OXNAD1: variants seen among roughly 807,000 people sequenced by gnomAD.
OXNAD1 encodes the protein oxidoreductase NAD-binding domain-containing protein 1.
In OXNAD1, 34 loss-of-function variants were observed where a neutral mutation model predicts 32.9. The ratio of observed to expected loss-of-function variants is 1.03; its 90% CI spans 0.79 to 1.38. OXNAD1 has a LOEUF of 1.38. Ranked by LOEUF, OXNAD1 falls within the 40% of genes most tolerant of loss-of-function variation. The pLI, the probability that OXNAD1 is intolerant of heterozygous loss-of-function variation, is 0.00. For missense variants in OXNAD1, 407 were observed against 379.4 expected, an observed-to-expected ratio of 1.07 and a Z score of -0.60; for synonymous variants, 134 against 135.2, an observed-to-expected ratio of 0.99 and a Z score of 0.06.
Position 16,268,659 on chromosome 3 carries a change from T to C in OXNAD1, c.-158-467T>C, listed in dbSNP as rs114484913. Among the ~76,000 whole-genome samples the C allele has an allele frequency of 7.3e-3, 1,109 of 152,228 alleles. 17 individuals carry two copies. Among genetic ancestry groups the C allele is most frequent in the African/African-American group, 0.025 (1,032 of 41,512 alleles). Reference sequence around the variant, plus strand: ...ACTACTTTTAAAATTAACATTTGTTTTCCAGTTCAGTTGAGAAGGGGACCA... The same window carrying C: ...ACTACTTTTAAAATTAACATTTGTTCTCCAGTTCAGTTGAGAAGGGGACCA... On this transcript the variant is annotated intron_variant, in intron 1 of 8. Coordinates refer to ENST00000285083, the MANE Select transcript of OXNAD1 (RefSeq NM_138381.5).
Position 16,345,122 on chromosome 3 carries a change from T to G in OXNAD1, c.*31-4054T>G, listed in dbSNP as rs2071555485. The G allele has an allele frequency of 1.3e-5, 2 of 152,244 alleles. No individual in the cohort carries two copies. Among genetic ancestry groups the G allele is most frequent in the Admixed American group, 6.5e-5 (1 of 15,282 alleles). 9.4% of individuals were successfully genotyped at this position (152,244 alleles called of 1,614,324 possible). On this transcript the variant is annotated intron_variant, in intron 9 of 9. Coordinates refer to the OXNAD1 transcript ENST00000606098. This position sits in a 1 kb window ranked among gnomAD's most constrained non-coding sequence, Gnocchi z 5.2. ...AACCTAAGTGAGCTTGGAAGTGGAT[T>G]CTTCCCCACCAAAACCTCTAATAAG...
rs1160939614 is a variant in OXNAD1, at chr3:16,345,817, T to TGTGTGTGTGTGTGTGTGC, written c.*31-3358_*31-3357insTGTGTGTGTGTGTGTGCG. Among the ~76,000 whole-genome samples, 33 of 74,614 alleles carry TGTGTGTGTGTGTGTGTGC rather than the reference T, an allele frequency of 4.4e-4. No individual in the cohort carries two copies. The highest frequency in any genetic ancestry group is 1.8e-3 in the African/African-American group (32 of 18,178). The allele number at this position is 74,614 out of a possible 152,430, so 48.9% of individuals were successfully genotyped here. ...GTGTGTGTGTGTGTGTGTGTGTGTG[T>TGTGTGTGTGTGTGTGTGC]GCGCGCGCGCGTGCGCGCACGCGCA... On this transcript the variant is annotated intron_variant, in intron 9 of 9. Coordinates refer to the OXNAD1 transcript ENST00000606098. The surrounding 1 kb of genome is among the most constrained non-coding windows in gnomAD (Gnocchi z 5.2).
rs1250044148 is a variant in OXNAD1, at chr3:16,327,061, G to A, written c.*31-10051G>A. ...AGTTTGGAGTCAAACTGCCAACATGGGATTTCCTTCTGGGCCCCATTTCAG... is the reference window on the plus strand; with the variant it reads ...AGTTTGGAGTCAAACTGCCAACATGAGATTTCCTTCTGGGCCCCATTTCAG... On this transcript the variant is annotated intron_variant, in intron 9 of 9. Coordinates refer to the OXNAD1 transcript ENST00000435829. The surrounding 1 kb of genome is among the most constrained non-coding windows in gnomAD (Gnocchi z 4.2). Among the ~76,000 whole-genome samples, 1 of 152,156 alleles carries A rather than the reference G, an allele frequency of 6.6e-6. No individual in the cohort carries two copies. The highest frequency in any genetic ancestry group is 6.5e-5 in the Admixed American group (1 of 15,282).
At position 16,320,699 on chromosome 3, in the gene OXNAD1, AAGG is replaced by A. The variant is rs1204151679; in HGVS notation, c.*31-16407_*31-16405del. Among the ~76,000 whole-genome samples the A allele has an allele frequency of 2.0e-5, 3 of 152,358 alleles. No individual in the cohort carries two copies. The highest frequency in any genetic ancestry group is 6.5e-5 in the Admixed American group (1 of 15,304). On this transcript the variant is annotated intron_variant, in intron 9 of 9. Coordinates refer to the OXNAD1 transcript ENST00000435829. The surrounding 1 kb of genome is among the most constrained non-coding windows in gnomAD (Gnocchi z 4.5). The stretch of plus-strand genomic sequence containing the variant: ...AAAAGGATGCTCGAGTAGAGCTAGA[AAGG>A]AGGAGAATGTCCTTGGCAGAGGGGA...
chr3:16,310,310 T>C (rs1317000808), downstream of OXNAD1, among the ~76,000 whole-genome samples: 1 of 152,128 alleles, frequency 6.6e-6, no homozygotes, highest in Non-Finnish European at 1.5e-5. Context: ...TTTTTTTTCA[T>C]TGAACAATCA....
At chr3:16,339,773 A>C (rs1346515694), downstream of OXNAD1, 1 of 152,228 alleles carries the variant, frequency 6.6e-6, no homozygotes, top group Non-Finnish European at 1.5e-5. Flanking sequence ...CCACAAAGGC[A>C]AGGAGTTTAT....
intron 4 of OXNAD1, 111 bp from the exon 5 acceptor site, chr3:16,286,231 C>CA: frequency 1.2e-6 from 1 of 824,716 alleles, no homozygotes; most frequent in Non-Finnish European, 2.0e-6. Flanking sequence ...TGGCAATTTT[C>CA]AAAAACCACA....
At chr3:16,276,981 A>G (rs937725857) in intron 4 of OXNAD1, among the ~76,000 whole-genome samples, 1 of 149,474 alleles carries the variant, frequency 6.7e-6, no homozygotes, top group Non-Finnish European at 1.5e-5. Context: ...TAAAAGCGCA[A>G]TGGTGCGATC....
chr3:16,308,011 A>G (rs1278999699), downstream of OXNAD1, among the ~76,000 whole-genome samples: 1 of 152,246 alleles, frequency 6.6e-6, no homozygotes, highest in Non-Finnish European at 1.5e-5. This position sits in a 1 kb window ranked among gnomAD's most constrained non-coding sequence, Gnocchi z 4.4. Context: ...ACCTTCTTCT[A>G]GAGGATGATG....
chr3:16,268,625 C>T (rs947828434), intron 1 of OXNAD1, among the ~76,000 whole-genome samples: 8 of 152,028 alleles, frequency 5.3e-5, no homozygotes, highest in Non-Finnish European at 1.0e-4. Context: ...GCCACTGTGC[C>T]CGGGAAGAAC....
chr3:16,269,800 C>T (rs2064800283), intron 2 of OXNAD1, among the ~76,000 whole-genome samples: 2 of 152,200 alleles, frequency 1.3e-5, no homozygotes, highest in African/African-American at 4.8e-5. Flanking sequence ...AATTTATATA[C>T]TGCCTCCCAA....
chr3:16,325,777 A>G (rs773944574), intron 9 of OXNAD1, among the ~76,000 whole-genome samples: 1 of 152,160 alleles, frequency 6.6e-6, no homozygotes, highest in African/African-American at 2.4e-5. Context: ...CAGAGGAGGG[A>G]CTAGGAAAGA....
At chr3:16,343,493 G>A (rs2071444171) in intron 9 of OXNAD1, among the ~76,000 whole-genome samples, 1 of 152,022 alleles carries the variant, frequency 6.6e-6, no homozygotes, top group East Asian at 1.9e-4. Context: ...CCATTTCCAG[G>A]TGTCTCCCGC....
chr3:16,302,155 A>G lies in OXNAD1; in HGVS notation c.675+287A>G, dbSNP rs996233823. 4.6e-5 allele frequency among the ~76,000 whole-genome samples: 7 copies of G among 152,226 alleles called. No individual in the cohort carries two copies. The highest frequency in any genetic ancestry group is 1.7e-4 in the African/African-American group (7 of 41,456). On this transcript the variant is annotated intron_variant, in intron 7 of 8. Transcript: ENST00000285083. This position sits in a 1 kb window ranked among gnomAD's most constrained non-coding sequence, Gnocchi z 4.2. Reference sequence around the variant, plus strand: ...CACAAGGGTCCCGAGATTCCAGTCAAGAGACCTACAGTGGACTAGTGTATC... The same window carrying G: ...CACAAGGGTCCCGAGATTCCAGTCAGGAGACCTACAGTGGACTAGTGTATC...
In OXNAD1 at chr3:16,269,162, C is replaced by A; in HGVS notation, c.-122C>A. ...GAATTTTAATGCATGGAAAAGCTGT[C>A]CATGTTCCAACTGCTGTACATCCAA... On this transcript the variant is annotated 5_prime_UTR_variant, in exon 2 of 9. Coordinates refer to ENST00000285083, the MANE Select transcript of OXNAD1 (RefSeq NM_138381.5). 6.6e-7 allele frequency: 1 copy of A among 1,510,934 alleles called. No homozygotes were observed. 93.6% of individuals were successfully genotyped at this position (1,510,934 alleles called of 1,614,324 possible).
In OXNAD1 at chr3:16,277,020, G is replaced by A. The variant is rs984481745; in HGVS notation, c.183+5298G>A. 3.3e-5 allele frequency among the ~76,000 whole-genome samples: 5 copies of A among 151,480 alleles called. No individual in the cohort carries two copies. The highest frequency in any genetic ancestry group is 1.2e-4 in the African/African-American group (5 of 41,186). On this transcript the variant is annotated intron_variant, in intron 4 of 8. Transcript: ENST00000285083. This position sits in a 1 kb window ranked among gnomAD's most constrained non-coding sequence, Gnocchi z 4.3. Reference sequence around the variant, plus strand: ...GCTCACTGCAACCTCTGCCTCCCGGGTTCAAGTGACTCTCCTGCCTCAGCC... The same window carrying A: ...GCTCACTGCAACCTCTGCCTCCCGGATTCAAGTGACTCTCCTGCCTCAGCC...
chr3:16,329,070 G>C lies in OXNAD1; in HGVS notation c.*31-8042G>C, dbSNP rs551103543. The stretch of plus-strand genomic sequence containing the variant: ...TGGTGAGGCCTGGTGGGAGTGTTTA[G>C]GTCAGAAGGGCTCCACTCTTGTGAA... On this transcript the variant is annotated intron_variant, in intron 9 of 9. Transcript: ENST00000435829. This position sits in a 1 kb window ranked among gnomAD's most constrained non-coding sequence, Gnocchi z 4.5. Among the ~76,000 whole-genome samples the C allele has an allele frequency of 6.6e-6, 1 of 152,316 alleles. No homozygotes were observed. The highest frequency in any genetic ancestry group is 2.1e-4 in the South Asian group (1 of 4,824).
At chr3:16,307,557 GAGTGAAAAC>G (rs369354806), downstream of OXNAD1, among the ~76,000 whole-genome samples, 329 of 152,276 alleles carry the variant, frequency 2.2e-3, no homozygotes, top group African/African-American at 7.4e-3. Context: ...CGGATGGTGG[GAGTGAAAAC>G]AGTGAAATAG....
rs2071877696 is a variant in OXNAD1, at chr3:16,348,391, C to T, written c.*31-785C>T. On this transcript the variant is annotated intron_variant, in intron 9 of 9. Transcript: ENST00000606098. The surrounding 1 kb of genome is among the most constrained non-coding windows in gnomAD (Gnocchi z 6.3). ...AAAAAAATTAATAGATGTGCCTTCT[C>T]TTCCAGCTGGCCTCTGCTCCTGTCA... is the stretch of plus-strand genomic sequence containing the variant. Among the ~76,000 whole-genome samples the T allele has an allele frequency of 6.6e-6, 1 of 152,154 alleles. No homozygotes were observed. The highest frequency in any genetic ancestry group is 2.1e-4 in the South Asian group (1 of 4,826).
Sources: gnomAD v4.1 joint callset for allele counts (sites outside exome capture counted in the v4.1 genomes callset) on GRCh38, gnomAD v4.1.1 for gene constraint, Gnocchi (gnomAD v3.1) non-coding constraint, MANE v1.5 for transcripts, NCBI Gene and HGNC (gene_info 2026-07-23, HGNC 2026-07-21) for gene names.